The following BEX5 variants were observed in gnomAD, a reference collection of about 807,000 sequenced individuals.
The protein encoded by BEX5 is protein BEX5.
BEX5 carries 2 observed loss-of-function variants against 1.4 expected under a neutral mutation model. That is an observed-to-expected ratio of 1.42 (90% confidence interval 0.58 to 4.47). The LOEUF (loss-of-function observed/expected upper bound fraction) is 4.47, where lower values mean the gene tolerates loss of function less well. BEX5 is among the 30% of genes most tolerant of loss of function. BEX5 has a pLI of 0.06. For missense variants in BEX5, 97 were observed against 87.3 expected, an observed-to-expected ratio of 1.11 and a Z score of -0.44; for synonymous variants, 32 against 30.0, an observed-to-expected ratio of 1.07 and a Z score of -0.21.
In BEX5 at chrX:102,153,935, G is replaced by T; in HGVS notation, c.331C>A (p.Pro111Thr). 5 of 1,195,606 alleles carry T rather than the reference G, an allele frequency of 4.2e-6. No individual in the cohort carries two copies. The highest frequency in any genetic ancestry group is 5.6e-6 in the Non-Finnish European group (5 of 886,215). ...ATGATTATTAACCTCAAGATTCAAG[G>T]CATAAGGCAAAACTCATCATGATGA... ...HDHHDEFCLM[P>T] Residue 111 changes from proline (P) to threonine (T), a missense_variant, in exon 3 of 3, where the codon CCT becomes ACT. Transcript: ENST00000333643.
chrX:102,154,803 T>C lies in BEX5; in HGVS notation c.-97A>G, dbSNP rs1933232525. The C allele has an allele frequency of 8.9e-6, 1 of 111,911 alleles. No homozygotes were observed. The highest frequency in any genetic ancestry group is 3.3e-5 in the African/African-American group (1 of 30,666). The allele number at this position is 111,911 out of a possible 1,213,427, so 9.2% of individuals were successfully genotyped here. Reference sequence around the variant, plus strand: ...CTTGAAATCGGCTGCACAAACGCACTTAAAGACCTGCAGACAAATGTGACA... The same window carrying C: ...CTTGAAATCGGCTGCACAAACGCACCTAAAGACCTGCAGACAAATGTGACA... On this transcript the variant is annotated 5_prime_UTR_variant, in exon 2 of 3. Transcript: ENST00000333643.
Position 102,154,233 on chromosome X carries a change from C to T in BEX5, c.33G>A (p.Val11=), listed in dbSNP as rs1468854185. 8.5e-7 allele frequency: 1 copy of T among 1,181,754 alleles called. No homozygotes were observed. The highest frequency in any genetic ancestry group is 1.1e-6 in the Non-Finnish European group (1 of 880,396). Residue 11 remains valine (V), a synonymous_variant, in exon 3 of 3, where the codon GTG becomes GTA. Transcript: ENST00000333643. MENVPKENKV[V]EKAPVQNEAP... is the part of the protein sequence containing the mutation. ...CTTCATTCTGCACTGGGGCCTTCTC[C>T]ACAACTTTGTTTTCCTTGGGGACAT...
At chrX:102,155,683 TC>T (rs1440629897) in intron 1 of BEX5, 175 bp downstream of exon 1, 3 of 111,887 alleles carry the variant, frequency 2.7e-5, no homozygotes, top group Non-Finnish European at 5.7e-5. Context: ...ATGGCCGGCC[TC>T]CTAGGAGATC....
rs782732913 is a variant in BEX5, at chrX:102,153,966, G to A, written c.300C>T (p.His100=). ...SLRILIGDPP[H]HDHHDEFCLM... ...GGCAAAACTCATCATGATGATCATG[G>A]TGAGGAGGGTCCCCTATAAGAATGC... The change falls in exon 3 of 3, where the codon CAC becomes CAT. Residue 100 remains histidine (H), a synonymous_variant. Transcript: ENST00000333643. 1.1e-4 allele frequency: 127 copies of A among 1,204,938 alleles called. No homozygotes were observed. Among genetic ancestry groups the A allele is most frequent in the Non-Finnish European group, 1.4e-4 (125 of 892,872 alleles).
intron 2 of BEX5, 148 bp from the exon 3 acceptor site, chrX:102,154,450 G>GA (rs1209024816): frequency 4.0e-5 from 16 of 398,157 alleles, no homozygotes; most frequent in African/African-American, 3.9e-4. Flanking sequence ...CATTTTCCCT[G>GA]AAAATCCCTT....
At position 102,154,198 on chromosome X, in the gene BEX5, A is replaced by G; in HGVS notation, c.68T>C (p.Leu23Ser). Residue 23 changes from leucine to serine, a missense_variant, in exon 3 of 3, where the codon TTA (leucine) becomes TCA (serine). Coordinates refer to ENST00000333643, the MANE Select transcript of BEX5 (RefSeq NM_001012978.3). ...KAPVQNEAPA[L>S]GGGEYQEPGG... ...AGGCTCCTGGTATTCACCACCTCCT[A>G]AAGCGGGGGCTTCATTCTGCACTGG... 8.3e-7 allele frequency: 1 copy of G among 1,209,612 alleles called. No homozygotes were observed. Among genetic ancestry groups the G allele is most frequent in the Middle Eastern group, 2.3e-4 (1 of 4,342 alleles).
chrX:102,155,248 A>T (rs1933238528), intron 1 of BEX5, among the ~76,000 whole-genome samples: 1 of 111,654 alleles, frequency 9.0e-6, no homozygotes, highest in East Asian at 2.8e-4. Context: ...GTATGTGGGC[A>T]TTGAAAACTA....
At chrX:102,155,669 C>A (rs1359089209) in intron 1 of BEX5, 190 bp downstream of exon 1, 4 of 112,273 alleles carry the variant, frequency 3.6e-5, no homozygotes, top group Non-Finnish European at 5.6e-5. Flanking sequence ...TCAGACATTG[C>A]CCGATGGCCG....
At chrX:102,155,747 C>G (rs1556370123) in intron 1 of BEX5, 112 bp downstream of exon 1, 1 of 112,437 alleles carries the variant, frequency 8.9e-6, no homozygotes, top group Non-Finnish European at 1.9e-5. Context: ...TCTCCCCAAC[C>G]GCTCCATTTC....
At chrX:102,154,377 A>C in intron 2 of BEX5, 75 bp from the exon 3 acceptor site, 1 of 713,955 alleles carries the variant, frequency 1.4e-6, no homozygotes, top group Admixed American at 4.0e-5. Flanking sequence ...AGGTTTTCCC[A>C]CCTGAGAAAC....
At chrX:102,155,339 C>T (rs1933239437) in intron 1 of BEX5, among the ~76,000 whole-genome samples, 1 of 111,335 alleles carries the variant, frequency 9.0e-6, no homozygotes, top group South Asian at 3.9e-4. Context: ...GACCGACCTG[C>T]TGAGACCAAA....
chrX:102,153,725 C>T lies in BEX5; in HGVS notation c.*205G>A. On this transcript the variant is annotated 3_prime_UTR_variant, in exon 3 of 3. Coordinates refer to ENST00000333643, the MANE Select transcript of BEX5 (RefSeq NM_001012978.3). ...CTATCTGTAGACTGCTTTTAAATTG[C>T]TTTATTAACTTTACAGTATGCAATA... 1 of 363,090 alleles carries T rather than the reference C, an allele frequency of 2.8e-6. No homozygotes were observed. The highest frequency in any genetic ancestry group is 4.7e-6 in the Non-Finnish European group (1 of 212,888). 29.9% of individuals were successfully genotyped at this position (363,090 alleles called of 1,213,427 possible). A position where few individuals can be genotyped will look rare whatever the true frequency, so the allele number is the denominator to read the frequency against.
At chrX:102,154,963 C>T (rs1316182920) in intron 1 of BEX5, among the ~76,000 whole-genome samples, 153 bp from the exon 2 acceptor site, 1 of 111,632 alleles carries the variant, frequency 9.0e-6, no homozygotes, top group Non-Finnish European at 1.9e-5. Context: ...GGCTATCCCA[C>T]CTTCCAGAAA....
chrX:102,155,393 G>A (rs1169443292), intron 1 of BEX5, among the ~76,000 whole-genome samples: 5 of 111,704 alleles, frequency 4.5e-5, no homozygotes, highest in Non-Finnish European at 9.4e-5. Context: ...TCAGAAGCTC[G>A]CCCGCTCAAC....
chrX:102,154,580 G>C (rs993462918), intron 2 of BEX5, among the ~76,000 whole-genome samples, 164 bp downstream of exon 2: 1 of 89,297 alleles, frequency 1.1e-5, no homozygotes, highest in Non-Finnish European at 2.2e-5. Flanking sequence ...CCCAGATCTC[G>C]CCCCTCTACT....
chrX:102,155,313 C>G (rs1218109139), intron 1 of BEX5, among the ~76,000 whole-genome samples: 2 of 111,261 alleles, frequency 1.8e-5, no homozygotes, highest in African/African-American at 6.5e-5. Context: ...CTACAGGTAG[C>G]GCCCACGCTT....
At chrX:102,155,274 T>C (rs1556370030) in intron 1 of BEX5, among the ~76,000 whole-genome samples, 1 of 111,623 alleles carries the variant, frequency 9.0e-6, no homozygotes, top group African/African-American at 3.3e-5. Context: ...TGCTGCGGTC[T>C]CTGCGCTTTG....
chrX:102,155,754 T>G (rs782088451), intron 1 of BEX5, 105 bp downstream of exon 1: 1 of 112,468 alleles, frequency 8.9e-6, no homozygotes, highest in Non-Finnish European at 1.9e-5. Flanking sequence ...AACCGCTCCA[T>G]TTCTCGCACT....
chrX:102,153,982 A>G lies in BEX5; in HGVS notation c.284T>C (p.Ile95Thr), dbSNP rs1933214152. 1 of 1,210,566 alleles carries G rather than the reference A, an allele frequency of 8.3e-7. No individual in the cohort carries two copies. Residue 95 changes from isoleucine (I) to threonine (T), a missense_variant, in exon 3 of 3, where the codon ATA becomes ACA. By Grantham distance (89) the Ile-to-Thr change is moderately conservative (BLOSUM62 -1). Transcript: ENST00000333643. ...ATGATCATGGTGAGGAGGGTCCCCT[A>G]TAAGAATGCGCAGACTGTACCTCAA... ...LQLRYSLRIL[I>T]GDPPHHDHHD... is the part of the protein sequence containing the mutation.
Sources: allele counts gnomAD v4.1 joint callset (sites outside exome capture counted in the v4.1 genomes callset), GRCh38; gene constraint gnomAD v4.1.1; transcripts MANE v1.5; gene names NCBI Gene and HGNC (gene_info 2026-07-23, HGNC 2026-07-21).